Variants in FOXP2 observed in about 807,000 individuals in gnomAD.
FOXP2 encodes the protein forkhead box P2.
A neutral mutation model predicts 115.8 loss-of-function variants in FOXP2; 12 were observed. The ratio of observed to expected loss-of-function variants is 0.10; its 90% CI spans 0.07 to 0.17. FOXP2 has a LOEUF of 0.17. FOXP2 is among the 10% of genes least tolerant of loss of function. The pLI is 1.00. For missense variants in FOXP2, 629 were observed against 843.5 expected, an observed-to-expected ratio of 0.75 and a Z score of 3.15; for synonymous variants, 328 against 297.7, an observed-to-expected ratio of 1.10 and a Z score of -1.05.
At chr7:114,631,767 C>T in intron 6 of FOXP2, 62 bp downstream of exon 6, 2 of 1,553,958 alleles carry the variant, frequency 1.3e-6, no homozygotes, top group Admixed American at 3.3e-5. Flanking sequence ...ATTTCATGGC[C>T]TTTCTGCCTT....
At chr7:114,351,012 A>C (rs1365635047) in intron 2 of FOXP2, among the ~76,000 whole-genome samples, 1 of 152,130 alleles carries the variant, frequency 6.6e-6, no homozygotes, top group Admixed American at 6.6e-5. Flanking sequence ...AAGTTGTTAC[A>C]CTGTATTGTT....
At chr7:114,355,505 C>T (rs755902219) in intron 2 of FOXP2, among the ~76,000 whole-genome samples, 1 of 152,146 alleles carries the variant, frequency 6.6e-6, no homozygotes, top group Non-Finnish European at 1.5e-5. Flanking sequence ...AATAGTTTCT[C>T]TGAAGACTTT....
chr7:114,203,472 A>C (rs1405098234), intron 1 of FOXP2, among the ~76,000 whole-genome samples: 1 of 152,120 alleles, frequency 6.6e-6, no homozygotes, highest in African/African-American at 2.4e-5. Context: ...AGCTAGGACT[A>C]CAAGTGTGCG....
At chr7:114,620,542 T>C (rs1804193107) in intron 3 of FOXP2, among the ~76,000 whole-genome samples, 1 of 152,062 alleles carries the variant, frequency 6.6e-6, no homozygotes, top group Non-Finnish European at 1.5e-5. Context: ...GACTAGTTGG[T>C]AAAAAGTAAT....
intron 15 of FOXP2, 92 bp downstream of exon 15, chr7:114,663,611 G>A (rs1490452091): frequency 1.1e-6 from 1 of 948,342 alleles, no homozygotes; most frequent in East Asian, 2.5e-5. Flanking sequence ...GATTGTGATT[G>A]TTCTTAATAG....
chr7:114,668,874 T>A (rs1232494090), intron 16 of FOXP2: 1 of 152,118 alleles, frequency 6.6e-6, no homozygotes, highest in Non-Finnish European at 1.5e-5. Context: ...TTAGAAATGG[T>A]TTGACTTCAC....
chr7:114,685,095 A>G (rs920718063), intron 16 of FOXP2, among the ~76,000 whole-genome samples: 2 of 152,098 alleles, frequency 1.3e-5, no homozygotes, highest in Non-Finnish European at 2.9e-5. Context: ...ACCTATGGGT[A>G]TACACTCATA....
intron 3 of FOXP2, among the ~76,000 whole-genome samples, chr7:114,618,983 A>G (rs1268099879): frequency 3.3e-5 from 5 of 152,144 alleles, no homozygotes; most frequent in African/African-American, 7.2e-5. Context: ...AGTGACATGG[A>G]TATACTTACC....
chr7:114,673,701 T>C (rs543641341), intron 16 of FOXP2, among the ~76,000 whole-genome samples: 2 of 152,156 alleles, frequency 1.3e-5, no homozygotes, highest in African/African-American at 4.8e-5. Flanking sequence ...TTTGGACTGA[T>C]ACTGACTTTT....
rs767608407 is a variant in FOXP2 at position 114,426,607 on chromosome 7, A to G, written c.96A>G (p.Arg32=). 15 of 1,611,650 alleles carry G rather than the reference A, an allele frequency of 9.3e-6. No homozygotes were observed. Among genetic ancestry groups the G allele is most frequent in the African/African-American group, 1.3e-5 (1 of 74,760 alleles). Residue 32 remains arginine, a synonymous_variant, in exon 2 of 17, where the codon AGA becomes AGG. Coordinates refer to ENST00000350908, the MANE Select transcript of FOXP2 (RefSeq NM_014491.4). ...GCAGCCAATTAGATGCTGGCAGCAG[A>G]GATGGAAGATCAAGTGGTGACACCA... ...TLSSQLDAGS[R]DGRSSGDTSS... is the part of the protein sequence containing the mutation.
chr7:114,149,949 C>A (rs1792486909), intron 1 of FOXP2, among the ~76,000 whole-genome samples: 1 of 151,994 alleles, frequency 6.6e-6, no homozygotes, highest in Admixed American at 6.6e-5. Context: ...TTATTATCAG[C>A]AGCATCTTTA....
Position 114,322,022 on chromosome 7 carries a change from C to CT in FOXP2, c.-11+33930dup, listed in dbSNP as rs5886698. 1.7e-3 allele frequency among the ~76,000 whole-genome samples: 214 copies of CT among 128,380 alleles called. 1 individual carries two copies. The highest frequency in any genetic ancestry group is 5.4e-3 in the African/African-American group (193 of 35,942). The allele number at this position is 128,380 out of a possible 152,430, so 84.2% of individuals were successfully genotyped here. On this transcript the variant is annotated intron_variant, in intron 2 of 17. Transcript: ENST00000634411. ...ATGCCGTGAGAATTTCAGAGGATTC[C>CT]TTTTTTTTTTTTTTTTTGAGATAGG...
At chr7:114,451,352 C>A (rs1402537500) in intron 2 of FOXP2, among the ~76,000 whole-genome samples, 1 of 152,012 alleles carries the variant, frequency 6.6e-6, no homozygotes, top group African/African-American at 2.4e-5. Flanking sequence ...TTTAACCAAT[C>A]ATCAGCTGTT....
chr7:114,303,325 T>C (rs1796921535), intron 2 of FOXP2, among the ~76,000 whole-genome samples: 1 of 152,180 alleles, frequency 6.6e-6, no homozygotes, highest in African/African-American at 2.4e-5. Context: ...AAGGCAATGA[T>C]ATTTACATTT....
At chr7:114,538,020 T>C (rs904011466) in intron 3 of FOXP2, among the ~76,000 whole-genome samples, 2 of 151,588 alleles carry the variant, frequency 1.3e-5, no homozygotes, top group African/African-American at 4.8e-5. Flanking sequence ...TTAAATCTAC[T>C]CCTAGCACTT....
chr7:114,090,407 G>A (rs955657243), intron 1 of FOXP2, among the ~76,000 whole-genome samples: 7 of 151,730 alleles, frequency 4.6e-5, no homozygotes, highest in Admixed American at 3.9e-4. Flanking sequence ...GTTCTAACCA[G>A]TGCCCAAATT....
At chr7:114,537,149 G>A (rs888391319) in intron 3 of FOXP2, among the ~76,000 whole-genome samples, 5 of 151,438 alleles carry the variant, frequency 3.3e-5, no homozygotes, top group African/African-American at 9.7e-5. Flanking sequence ...TATGAAATTA[G>A]CATTTTAAAA....
At chr7:114,515,258 G>C (rs1798275575) in intron 2 of FOXP2, among the ~76,000 whole-genome samples, 1 of 150,458 alleles carries the variant, frequency 6.6e-6, no homozygotes. Flanking sequence ...GGGTCAAATG[G>C]TATTTCTAGT....
intron 1 of FOXP2, among the ~76,000 whole-genome samples, chr7:114,165,442 T>C (rs1312014338): frequency 6.6e-6 from 1 of 152,206 alleles, no homozygotes; most frequent in East Asian, 1.9e-4. Context: ...AACACAAGGT[T>C]AATATACAAA....
Sources: gnomAD v4.1 joint callset for allele counts (sites outside exome capture counted in the v4.1 genomes callset) on GRCh38, gnomAD v4.1.1 for gene constraint, MANE v1.5 for transcripts, NCBI Gene and HGNC (gene_info 2026-07-23, HGNC 2026-07-21) for gene names.